The following DLG1 variants were observed in gnomAD, a reference collection of about 807,000 sequenced individuals.
DLG1 encodes disks large homolog 1.
In DLG1, 42 loss-of-function variants were observed where a neutral mutation model predicts 123.4. The ratio of observed to expected loss-of-function variants is 0.34; its 90% CI spans 0.27 to 0.44. DLG1 has a LOEUF of 0.44. DLG1 is among the 20% of genes least tolerant of loss of function. The probability of loss-of-function intolerance (pLI) is 1.00; values close to 1 mark genes in which losing one functional copy is unlikely to be tolerated. For synonymous variants in DLG1, 317 were observed against 356.2 expected, an observed-to-expected ratio of 0.89 and a Z score of 1.24; for missense variants, 942 against 1,082.6, an observed-to-expected ratio of 0.87 and a Z score of 1.82.
intron 4 of DLG1, 189 bp downstream of exon 4, chr3:197,282,490 G>A: frequency 2.6e-6 from 1 of 380,466 alleles, no homozygotes; most frequent in Non-Finnish European, 4.5e-6. Flanking sequence ...TTTAAAACAG[G>A]GGCAACAGAG....
intron 16 of DLG1, among the ~76,000 whole-genome samples, chr3:197,081,878 G>T (rs1194747123): frequency 6.6e-6 from 1 of 152,142 alleles, no homozygotes; most frequent in Non-Finnish European, 1.5e-5. Context: ...TATGTAGATT[G>T]TAACACTAAT....
rs113045460 is a variant in DLG1 at position 197,272,226 on chromosome 3, C to T, written c.318+10453G>A. ...CATAAACTGGGCACAGTGGCTCACG[C>T]CTATAAACTCAGCTACTTGGGAGGC... On this transcript the variant is annotated intron_variant, in intron 4 of 24. Transcript: ENST00000667157. 9.8e-3 allele frequency among the ~76,000 whole-genome samples: 1,492 copies of T among 152,152 alleles called. 23 individuals are homozygous for T. The highest frequency in any genetic ancestry group is 0.033 in the African/African-American group (1,388 of 41,498).
intron 24 of DLG1, among the ~76,000 whole-genome samples, chr3:197,050,791 TCCCTA>T (rs1560313958): frequency 6.6e-6 from 1 of 152,154 alleles, no homozygotes; most frequent in Non-Finnish European, 1.5e-5. Flanking sequence ...TTAAGAGTCT[TCCCTA>T]CACACACAAA....
chr3:197,266,734 G>C (rs1761853164), intron 4 of DLG1, among the ~76,000 whole-genome samples: 1 of 151,902 alleles, frequency 6.6e-6, no homozygotes, highest in Non-Finnish European at 1.5e-5. Flanking sequence ...GAAGATTAAT[G>C]AACTTGAAGA....
intron 5 of DLG1, among the ~76,000 whole-genome samples, chr3:197,164,756 G>GA (rs1362337917): frequency 1.2e-3 from 150 of 130,230 alleles, no homozygotes; most frequent in Non-Finnish European, 2.0e-3. Context: ...AAAAAAAAAA[G>GA]AAAAAAAATA....
At chr3:197,064,458 G>A (rs887844035) in intron 22 of DLG1, among the ~76,000 whole-genome samples, 31 of 152,318 alleles carry the variant, frequency 2.0e-4, no homozygotes, top group African/African-American at 2.9e-4. Context: ...CTCCCAAAGC[G>A]CTGGGATTAC....
At chr3:197,256,892 C>T (rs1757117719) in intron 4 of DLG1, among the ~76,000 whole-genome samples, 1 of 152,102 alleles carries the variant, frequency 6.6e-6, no homozygotes, top group Admixed American at 6.5e-5. Context: ...TATTAGGAAA[C>T]ACTTGATTAT....
At chr3:197,183,836 G>A (rs1461563442) in intron 5 of DLG1, 1 of 1,542,678 alleles carries the variant, frequency 6.5e-7, no homozygotes, top group Admixed American at 2.0e-5. Flanking sequence ...TGGTTGCCAA[G>A]CAGGCTTACT....
chr3:197,146,621 C>T (rs1187276806), intron 6 of DLG1, among the ~76,000 whole-genome samples: 1 of 152,140 alleles, frequency 6.6e-6, no homozygotes, highest in Non-Finnish European at 1.5e-5. Context: ...ACTGGATCCT[C>T]ATCTCTCACC....
At chr3:197,163,254 G>A (rs1199340863) in intron 5 of DLG1, among the ~76,000 whole-genome samples, 5 of 152,168 alleles carry the variant, frequency 3.3e-5, no homozygotes, top group Non-Finnish European at 7.4e-5. Context: ...GTACAATGCT[G>A]GTGGGAAATG....
chr3:197,269,210 T>C (rs1452067474), intron 4 of DLG1, among the ~76,000 whole-genome samples: 1 of 152,218 alleles, frequency 6.6e-6, no homozygotes, highest in Non-Finnish European at 1.5e-5. Flanking sequence ...TGCTATGCTT[T>C]TATGACTGGC....
chr3:197,115,121 A>T (rs1463025305), intron 13 of DLG1, among the ~76,000 whole-genome samples: 1 of 152,144 alleles, frequency 6.6e-6, no homozygotes, highest in African/African-American at 2.4e-5. Flanking sequence ...ACAAGATGGG[A>T]CGGTAAACAA....
intron 4 of DLG1, among the ~76,000 whole-genome samples, chr3:197,198,157 C>T (rs1300054181): frequency 2.0e-5 from 3 of 149,624 alleles, no homozygotes; most frequent in Non-Finnish European, 4.5e-5. Flanking sequence ...CAAAAAAATA[C>T]TTTTGTTCAT....
chr3:197,097,974 C>T (rs1761561104), intron 14 of DLG1, among the ~76,000 whole-genome samples: 2 of 151,896 alleles, frequency 1.3e-5, no homozygotes, highest in Non-Finnish European at 2.9e-5. Context: ...TCAATATTAC[C>T]TTTGTTTTTA....
intron 17 of DLG1, among the ~76,000 whole-genome samples, chr3:197,080,267 C>CTTTTTTTTTTTTTTT (rs767056279): frequency 1.9e-5 from 1 of 51,904 alleles, no homozygotes; most frequent in African/African-American, 8.3e-5. Flanking sequence ...GATATATTTC[C>CTTTTTTTTTTTTTTT]TTTTTTTTTT....
chr3:197,297,258 G>C, intron 1 of DLG1, 23 bp from the exon 2 acceptor site: 1 of 1,609,764 alleles, frequency 6.2e-7, no homozygotes. Flanking sequence ...CAACGGAAAG[G>C]AAAAAGGATA....
At chr3:197,060,289 C>T (rs1165998093) in intron 22 of DLG1, among the ~76,000 whole-genome samples, 1 of 152,092 alleles carries the variant, frequency 6.6e-6, no homozygotes, top group African/African-American at 2.4e-5. Flanking sequence ...ATAGAGCTCC[C>T]CCGCCGTTCC....
intron 14 of DLG1, 108 bp from the exon 15 acceptor site, chr3:197,091,134 G>A (rs963234576): frequency 2.9e-6 from 2 of 684,734 alleles, no homozygotes; most frequent in African/African-American, 3.6e-5. Context: ...AATGTGGTTA[G>A]AACCTTAAAA....
chr3:197,296,055 G>C (rs1365509178), intron 3 of DLG1, among the ~76,000 whole-genome samples: 9 of 152,190 alleles, frequency 5.9e-5, no homozygotes, highest in Non-Finnish European at 1.2e-4. Flanking sequence ...CAGTAACTCA[G>C]TCATACCTTT....
Sources: gnomAD v4.1 joint callset for allele counts (sites outside exome capture counted in the v4.1 genomes callset) on GRCh38, gnomAD v4.1.1 for gene constraint, MANE v1.5 for transcripts, NCBI Gene and HGNC (gene_info 2026-07-23, HGNC 2026-07-21) for gene names.